Variants in CLDN18 observed in about 807,000 individuals in gnomAD.
CLDN18 encodes claudin-18.
CLDN18 carries 20 observed loss-of-function variants against 25.0 expected under a neutral mutation model. The ratio of observed to expected loss-of-function variants is 0.80; its 90% CI spans 0.56 to 1.16. CLDN18 has a LOEUF of 1.16. CLDN18 is among the 50% of genes most tolerant of loss of function. CLDN18 has a pLI of 0.00. For missense variants in CLDN18, 297 were observed against 345.4 expected (o/e 0.86, Z 1.11); for synonymous variants, 125 against 135.6 (o/e 0.92, Z 0.54).
At chr3:138,008,333 G>A (rs1330641990), upstream of CLDN18, among the ~76,000 whole-genome samples, 2 of 152,096 alleles carry the variant, frequency 1.3e-5, no homozygotes, top group African/African-American at 2.4e-5. Context: ...GCTGGGCACA[G>A]TGGCTCACGC....
At chr3:138,030,366 T>C (rs1942376669) in intron 4 of CLDN18, among the ~76,000 whole-genome samples, 1 of 152,246 alleles carries the variant, frequency 6.6e-6, no homozygotes, top group Non-Finnish European at 1.5e-5. Context: ...ACGTCAACAG[T>C]GCTGCTGCTG....
intron 3 of CLDN18, among the ~76,000 whole-genome samples, chr3:138,028,801 C>T (rs964217777): frequency 1.4e-4 from 21 of 152,154 alleles, no homozygotes; most frequent in African/African-American, 5.1e-4. Flanking sequence ...AGGCAGCCCC[C>T]CTAGGCAAAG....
intron 3 of CLDN18, among the ~76,000 whole-genome samples, chr3:138,028,660 T>C (rs1942354483): frequency 6.6e-6 from 1 of 152,202 alleles, no homozygotes; most frequent in South Asian, 2.1e-4. Context: ...ACTGACATCC[T>C]AATAGTTTTT....
At chr3:138,013,020 G>T (rs1004172292) in intron 1 of CLDN18, among the ~76,000 whole-genome samples, 2 of 152,186 alleles carry the variant, frequency 1.3e-5, no homozygotes, top group Non-Finnish European at 2.9e-5. Flanking sequence ...AGCTGGATAA[G>T]AATTATTTCC....
In CLDN18 at chr3:138,017,055, C is replaced by CA. The variant is rs67937956; in HGVS notation, c.221-6591dup. Among the ~76,000 whole-genome samples, 776 of 139,234 alleles carry CA rather than the reference C, an allele frequency of 5.6e-3. 3 individuals carry two copies. Among genetic ancestry groups the CA allele is most frequent in the African/African-American group, 0.013 (463 of 36,886 alleles). 91.3% of individuals were successfully genotyped at this position (139,234 alleles called of 152,430 possible). Reference sequence around the variant, plus strand: ...TGGGTGATAGAGTGAGACTCTGTCTCAAAAAAAAAAAACAAAGAAAGAAAG... The same window carrying CA: ...TGGGTGATAGAGTGAGACTCTGTCTCAAAAAAAAAAAAACAAAGAAAGAAAG... On this transcript the variant is annotated intron_variant, in intron 1 of 4. Transcript: ENST00000183605.
intron 1 of CLDN18, among the ~76,000 whole-genome samples, chr3:138,003,451 T>C (rs1942038735): frequency 6.6e-6 from 1 of 152,088 alleles, no homozygotes; most frequent in African/African-American, 2.4e-5. Context: ...TCTTGGAAAA[T>C]CACAGTGGCA....
intron 3 of CLDN18, among the ~76,000 whole-genome samples, chr3:138,026,593 C>T (rs1369771185): frequency 1.3e-5 from 2 of 151,952 alleles, no homozygotes; most frequent in African/African-American, 2.4e-5. Context: ...TGCAGTGAGC[C>T]GAGATCGCAC....
In CLDN18 at chr3:138,010,461, C is replaced by G. The variant is rs771118569; in HGVS notation, c.220+16C>G. On this transcript the variant is annotated intron_variant, in intron 1 of 4. Coordinates refer to ENST00000183605, the MANE Select transcript of CLDN18 (RefSeq NM_016369.4). ...GGACTTCCAGGTAGGCACCGTGCAC[C>G]CCGGGGTAGAGCCAGGTGAACCAGG... 1.2e-6 allele frequency: 2 copies of G among 1,613,308 alleles called. No homozygotes were observed. The highest frequency in any genetic ancestry group is 4.5e-5 in the East Asian group (2 of 44,838).
intron 1 of CLDN18, among the ~76,000 whole-genome samples, chr3:138,016,494 T>C (rs1475286525): frequency 6.6e-6 from 1 of 152,098 alleles, no homozygotes; most frequent in East Asian, 1.9e-4. Context: ...GTAGAAGGGA[T>C]GAGCAAAGGG....
In CLDN18 at chr3:138,033,070, TG is replaced by T. The variant is rs1942416127; in HGVS notation, c.*1930del. 1 of 152,242 alleles carries T rather than the reference TG, an allele frequency of 6.6e-6. No homozygotes were observed. The highest frequency in any genetic ancestry group is 1.5e-5 in the Non-Finnish European group (1 of 68,044). 9.4% of individuals were successfully genotyped at this position (152,242 alleles called of 1,614,324 possible). On this transcript the variant is annotated 3_prime_UTR_variant, in exon 5 of 5. Transcript: ENST00000183605. ...CTCACATCAATAGTACATATGAAAG[TG>T]ACCTCCAAGGGGATTGGTGAATACT...
rs898958630 is a variant in CLDN18 at position 138,033,213 on chromosome 3, G to A, written c.*2072G>A. ...TGAGCTCAGAGGCCCTTCTCACTGA[G>A]ACAGCAACATTTAAACCAAACCAGA... On this transcript the variant is annotated 3_prime_UTR_variant, in exon 5 of 5. Coordinates refer to ENST00000183605, the MANE Select transcript of CLDN18 (RefSeq NM_016369.4). 6.6e-6 allele frequency: 1 copy of A among 152,206 alleles called. No individual in the cohort carries two copies. The highest frequency in any genetic ancestry group is 2.4e-5 in the African/African-American group (1 of 41,442). The allele number at this position is 152,206 out of a possible 1,614,324, so 9.4% of individuals were successfully genotyped here. A position where few individuals can be genotyped will look rare whatever the true frequency, so the allele number is the denominator to read the frequency against.
intron 1 of CLDN18, among the ~76,000 whole-genome samples, chr3:138,004,078 G>A (rs1400359111): frequency 1.3e-5 from 2 of 152,104 alleles, no homozygotes; most frequent in African/African-American, 2.4e-5. Flanking sequence ...GGAGGCTGAG[G>A]CAAGAGAATC....
At chr3:138,010,119 G>GA, upstream of CLDN18, 1 of 1,470,276 alleles carries the variant, frequency 6.8e-7, no homozygotes, top group South Asian at 1.4e-5. Context: ...AGAGCCTAGG[G>GA]AAACCATCTG....
chr3:138,024,730 C>T lies in CLDN18; in HGVS notation c.503+6C>T. On this transcript the variant is annotated splice_donor_region_variant and intron_variant, in intron 3 of 4. Coordinates refer to ENST00000183605, the MANE Select transcript of CLDN18 (RefSeq NM_016369.4). ...GTGCAGACTGTTCAGACCAGGTAACCTCCTAATCTAGGTCTCGGCATTCAC... is the reference window on the plus strand; with the variant it reads ...GTGCAGACTGTTCAGACCAGGTAACTTCCTAATCTAGGTCTCGGCATTCAC... 3 of 1,484,898 alleles carry T rather than the reference C, an allele frequency of 2.0e-6. No individual in the cohort carries two copies. Among genetic ancestry groups the T allele is most frequent in the Non-Finnish European group, 9.4e-7 (1 of 1,064,534 alleles). 92.0% of individuals were successfully genotyped at this position (1,484,898 alleles called of 1,614,324 possible).
chr3:138,004,740 T>C (rs1239643102), intron 1 of CLDN18: 1 of 151,234 alleles, frequency 6.6e-6, no homozygotes, highest in Non-Finnish European at 1.5e-5. Flanking sequence ...AACTAACAAA[T>C]ATACCAAAAT....
rs1053286810 is a variant in CLDN18 at position 138,031,103 on chromosome 3, G to A, written c.748G>A (p.Glu250Lys). The change falls in exon 5 of 5, where the codon GAG becomes AAG. Residue 250 changes from glutamate to lysine, a missense_variant. Transcript: ENST00000183605. ...CGATGGAGGTGCCCGCACAGAGGAC[G>A]AGGTACAATCTTATCCTTCCAAGCA... ...IYDGGARTED[E>K]VQSYPSKHDY... 28 of 1,613,962 alleles carry A rather than the reference G, an allele frequency of 1.7e-5. No homozygotes were observed. The highest frequency in any genetic ancestry group is 4.4e-5 in the South Asian group (4 of 91,056).
chr3:138,003,752 G>T (rs1365133685), intron 1 of CLDN18, among the ~76,000 whole-genome samples: 1 of 152,146 alleles, frequency 6.6e-6, no homozygotes. Context: ...ACCTTGCTAT[G>T]TGCCAGGCAT....
In CLDN18 at chr3:138,024,689, C is replaced by T. The variant is rs781261198; in HGVS notation, c.468C>T (p.Thr156=). Residue 156 remains threonine (T), a synonymous_variant, in exon 3 of 5, where the codon ACC becomes ACT. Coordinates refer to ENST00000183605, the MANE Select transcript of CLDN18 (RefSeq NM_016369.4). ...GGATGTCCACAGCTAACATGTACAC[C>T]GGCATGGGTGGGATGGTGCAGACTG... The part of the protein sequence containing the change: ...NFWMSTANMY[T]GMGGMVQTVQ... The T allele has an allele frequency of 5.0e-6, 8 of 1,612,508 alleles. No homozygotes were observed. Among genetic ancestry groups the T allele is most frequent in the South Asian group, 4.4e-5 (4 of 91,062 alleles).
intron 1 of CLDN18, chr3:138,004,859 C>T (rs1013130494): frequency 6.6e-6 from 1 of 151,512 alleles, no homozygotes; most frequent in Non-Finnish European, 1.5e-5. Context: ...ATTCTCTAAG[C>T]ATAGAAATAG....
Sources: gnomAD v4.1 joint callset for allele counts (sites outside exome capture counted in the v4.1 genomes callset) on GRCh38, gnomAD v4.1.1 for gene constraint, MANE v1.5 for transcripts, NCBI Gene and HGNC (gene_info 2026-07-23, HGNC 2026-07-21) for gene names.